DMD: variants seen among roughly 807,000 people sequenced by gnomAD.
The protein encoded by DMD is mutant dystrophin.
In DMD, 63 loss-of-function variants were observed where a neutral mutation model predicts 330.1. That is an observed-to-expected ratio of 0.19 (90% CI 0.16 to 0.24). The LOEUF is 0.24. Among genes scored for constraint, DMD ranks in the 10% least tolerant of loss-of-function variants. DMD has a pLI of 1.00. For synonymous variants in DMD, 1,223 were observed against 959.8 expected (o/e 1.27, Z -5.07); for missense variants, 3,344 against 2,684.1 (o/e 1.25, Z -5.43).
rs746741394 is a variant in DMD at position 31,326,719 on chromosome X, C to T, written c.9164-3061G>A. Among the ~76,000 whole-genome samples, 99 of 111,330 alleles carry T rather than the reference C, an allele frequency of 8.9e-4. 2 individuals carry two copies. Among genetic ancestry groups the T allele is most frequent in the Non-Finnish European group, 2.8e-4 (15 of 53,072 alleles). ...AACACACAATTGGATGATAGTTCTA[C>T]GGAATTGGGTTCAGTGCTCCTTCTC... On this transcript the variant is annotated intron_variant, in intron 61 of 78. Transcript: ENST00000357033.
intron 47 of DMD, among the ~76,000 whole-genome samples, chrX:31,893,785 A>G (rs1199271634): frequency 9.0e-6 from 1 of 111,314 alleles, no homozygotes; most frequent in South Asian, 3.8e-4. Context: ...GAGGTTTGGA[A>G]GTCAGGCAAC....
intron 50 of DMD, among the ~76,000 whole-genome samples, chrX:31,780,451 A>G (rs2090951631): frequency 8.9e-6 from 1 of 112,250 alleles, no homozygotes; most frequent in Non-Finnish European, 1.9e-5. Flanking sequence ...GTTATATGTG[A>G]TCAAATTGCA....
At chrX:32,739,108 C>T (rs2068899237) in intron 7 of DMD, among the ~76,000 whole-genome samples, 1 of 111,835 alleles carries the variant, frequency 8.9e-6, no homozygotes, top group South Asian at 3.7e-4. Flanking sequence ...TTGTAACAGT[C>T]CTATGGTATG....
intron 1 of DMD, among the ~76,000 whole-genome samples, chrX:33,125,103 T>C (rs1463024238): frequency 9.2e-6 from 1 of 108,952 alleles, no homozygotes; most frequent in Non-Finnish European, 1.9e-5. Flanking sequence ...CTTATCTATG[T>C]TAATAATTAT....
At position 32,823,392 on chromosome X, in the gene DMD, TAAAG is replaced by T. The variant is rs780278315; in HGVS notation, c.265-9_265-6del. The T allele has an allele frequency of 3.6e-5, 41 of 1,154,760 alleles. No individual in the cohort carries two copies. Among genetic ancestry groups the T allele is most frequent in the South Asian group, 2.9e-4 (16 of 55,526 alleles). ...TCCAATATTCACTAAATCAACCTGT[TAAAG>T]AAAGGGGTAAAACATTTGAAGGTAA... On this transcript the variant is annotated splice_polypyrimidine_tract_variant and splice_region_variant and intron_variant, in intron 4 of 78. Coordinates refer to ENST00000357033, the MANE Select transcript of DMD (RefSeq NM_004006.3).
chrX:31,619,878 T>G (rs1296031862), intron 55 of DMD, among the ~76,000 whole-genome samples: 2 of 111,751 alleles, frequency 1.8e-5, no homozygotes, highest in African/African-American at 6.5e-5. Context: ...GTACAACACT[T>G]AAAATCAAAT....
intron 41 of DMD, among the ~76,000 whole-genome samples, chrX:32,319,509 T>G (rs2148655795): frequency 8.9e-6 from 1 of 112,067 alleles, no homozygotes. Flanking sequence ...ATTTATAATT[T>G]ATATTTAGGA....
chrX:31,667,838 G>A (rs1292444402), intron 53 of DMD, among the ~76,000 whole-genome samples: 2 of 111,069 alleles, frequency 1.8e-5, no homozygotes, highest in African/African-American at 3.3e-5. Context: ...AATATTTCCA[G>A]GAACTTCCAA....
chrX:31,829,124 C>T (rs946425799), intron 49 of DMD, among the ~76,000 whole-genome samples: 6 of 111,409 alleles, frequency 5.4e-5, no homozygotes, highest in African/African-American at 1.6e-4. Flanking sequence ...AACTCAGGAA[C>T]GGAAAACTAA....
intron 45 of DMD, among the ~76,000 whole-genome samples, chrX:31,934,080 A>T (rs2094893462): frequency 9.0e-6 from 1 of 111,576 alleles, no homozygotes; most frequent in Non-Finnish European, 1.9e-5. Flanking sequence ...AGGATTTCAT[A>T]GTCAATGAGA....
chrX:33,269,513 C>T (rs1206892504), intron 1 of DMD, among the ~76,000 whole-genome samples: 4 of 110,180 alleles, frequency 3.6e-5, no homozygotes, highest in Admixed American at 2.9e-4. Flanking sequence ...TGCAATATAC[C>T]GTTTTAACAA....
intron 9 of DMD, among the ~76,000 whole-genome samples, chrX:32,686,559 C>CAG (rs1383521933): frequency 8.7e-4 from 25 of 28,587 alleles, no homozygotes; most frequent in African/African-American, 3.3e-3. Flanking sequence ...AACTCCATCT[C>CAG]AAAAAAAAAA....
chrX:31,799,165 T>G (rs2091954619), intron 50 of DMD, among the ~76,000 whole-genome samples: 1 of 112,355 alleles, frequency 8.9e-6, no homozygotes, highest in Non-Finnish European at 1.9e-5. Flanking sequence ...TATTTCTGCC[T>G]TCCTCATTCA....
intron 7 of DMD, chrX:32,756,542 T>A (rs1193906829): frequency 9.0e-6 from 1 of 111,543 alleles, no homozygotes; most frequent in Non-Finnish European, 1.9e-5. Context: ...ATATTATATG[T>A]CTTACGCATC....
At chrX:31,231,911 T>G (rs537080145) in intron 63 of DMD, among the ~76,000 whole-genome samples, 3 of 110,183 alleles carry the variant, frequency 2.7e-5, no homozygotes, top group East Asian at 2.8e-4. Flanking sequence ...AATATTCATA[T>G]GTACTGTGGT....
At chrX:32,293,295 G>A (rs1003868925) in intron 42 of DMD, among the ~76,000 whole-genome samples, 7 of 112,240 alleles carry the variant, frequency 6.2e-5, no homozygotes, top group Non-Finnish European at 1.1e-4. Context: ...GATTGCTCAG[G>A]AAAGGTGTTT....
chrX:31,187,202 G>C (rs1235035621), intron 67 of DMD, among the ~76,000 whole-genome samples: 2 of 112,505 alleles, frequency 1.8e-5, no homozygotes, highest in African/African-American at 3.2e-5. Flanking sequence ...AACCGTGTCT[G>C]ACACATAGCA....
At chrX:32,887,762 A>AC (rs933723776) in intron 2 of DMD, among the ~76,000 whole-genome samples, 2 of 101,332 alleles carry the variant, frequency 2.0e-5, no homozygotes, top group Non-Finnish European at 4.0e-5. Flanking sequence ...AAAAAAAAAA[A>AC]AAAAAAAAAA....
intron 54 of DMD, among the ~76,000 whole-genome samples, chrX:31,634,694 G>A (rs1189213081): frequency 1.8e-5 from 2 of 110,938 alleles, no homozygotes; most frequent in Non-Finnish European, 3.8e-5. Context: ...AGAGATTTGC[G>A]AATTTATCAT....
Sources: allele counts gnomAD v4.1 joint callset (sites outside exome capture counted in the v4.1 genomes callset), GRCh38; gene constraint gnomAD v4.1.1; transcripts MANE v1.5; gene names NCBI Gene and HGNC (gene_info 2026-07-23, HGNC 2026-07-21).